Variants in STX11 observed in about 807,000 individuals in gnomAD.
The protein encoded by STX11 is syntaxin 11.
In STX11, 21 loss-of-function variants were observed where a neutral mutation model predicts 19.9. That is an observed-to-expected ratio of 1.06 (90% CI 0.75 to 1.52). The LOEUF (loss-of-function observed/expected upper bound fraction) is 1.52. Among genes scored for constraint, STX11 ranks in the 40% most tolerant of loss-of-function variants. STX11 has a pLI of 0.00. For synonymous variants in STX11, 193 were observed against 174.4 expected (o/e 1.11, Z -0.84); for missense variants, 438 against 405.9 (o/e 1.08, Z -0.68).
rs545981023 is a variant in STX11, at chr6:144,190,910, T to C, written c.*3419T>C. Among the ~76,000 whole-genome samples the C allele has an allele frequency of 6.6e-6, 1 of 152,252 alleles. No homozygotes were observed. Among genetic ancestry groups the C allele is most frequent in the African/African-American group, 2.4e-5 (1 of 41,550 alleles). On this transcript the variant is annotated 3_prime_UTR_variant, in exon 2 of 2. Transcript: ENST00000367568. Reference sequence around the variant, plus strand: ...ACCAGGCAGTGGGTGAAATGCTGGCTTTTTCCTTAAGAAATTGTGTTCTAG... The same window carrying C: ...ACCAGGCAGTGGGTGAAATGCTGGCCTTTTCCTTAAGAAATTGTGTTCTAG...
At chr6:144,171,557 A>T (rs930370078) in intron 1 of STX11, among the ~76,000 whole-genome samples, 3 of 152,164 alleles carry the variant, frequency 2.0e-5, no homozygotes, top group African/African-American at 4.8e-5. Context: ...AAAACCTCTT[A>T]TCAGACTGAA....
At chr6:144,143,784 A>G in the STX11 span, among the ~76,000 whole-genome samples, 27 of 152,194 alleles carry the variant, frequency 1.8e-4, no homozygotes, top group Non-Finnish European at 3.1e-4. Flanking sequence ...CTGATACTAT[A>G]CAAATCTAGA....
Position 144,188,945 on chromosome 6 carries a change from C to G in STX11, c.*1454C>G, listed in dbSNP as rs1397986507. On this transcript the variant is annotated 3_prime_UTR_variant, in exon 2 of 2. Coordinates refer to ENST00000367568, the MANE Select transcript of STX11 (RefSeq NM_003764.4). ...GTTTCACCGTGTTAGCCAGGATGGT[C>G]TTGATCTCCTGACCTCGTGATCCGC... Among the ~76,000 whole-genome samples the G allele has an allele frequency of 6.6e-6, 1 of 152,076 alleles. No homozygotes were observed. The highest frequency in any genetic ancestry group is 1.9e-4 in the East Asian group (1 of 5,186).
upstream of STX11, chr6:144,150,510 G>C: frequency 1.0e-6 from 1 of 985,360 alleles, no homozygotes; most frequent in Non-Finnish European, 1.2e-6. Flanking sequence ...CTGAGCCGGC[G>C]GCGCCCAGAT....
chr6:144,179,566 G>T (rs990683792), intron 1 of STX11, among the ~76,000 whole-genome samples: 2 of 152,220 alleles, frequency 1.3e-5, no homozygotes, highest in African/African-American at 4.8e-5. Context: ...GGGCAGGAGG[G>T]ACTGGATGAG....
chr6:144,184,594 T>C lies in STX11; in HGVS notation c.-5-2029T>C, dbSNP rs1801982775. ...CTTTTGCTAAAGATTATTTAGTGCATTGGTTAAGTGGTGCTATTCTAACGC... is the reference window on the plus strand; with the variant it reads ...CTTTTGCTAAAGATTATTTAGTGCACTGGTTAAGTGGTGCTATTCTAACGC... On this transcript the variant is annotated intron_variant, in intron 1 of 1. Coordinates refer to ENST00000367568, the MANE Select transcript of STX11 (RefSeq NM_003764.4). The surrounding 1 kb of genome is among the most constrained non-coding windows in gnomAD (Gnocchi z 6.5). Among the ~76,000 whole-genome samples, 1 of 152,208 alleles carries C rather than the reference T, an allele frequency of 6.6e-6. No individual in the cohort carries two copies. Among genetic ancestry groups the C allele is most frequent in the Non-Finnish European group, 1.5e-5 (1 of 68,022 alleles).
chr6:144,159,697 GGAA>G lies in STX11; in HGVS notation c.-6+8998_-6+9000del, dbSNP rs1801284559. Among the ~76,000 whole-genome samples, 1 of 152,160 alleles carries G rather than the reference GGAA, an allele frequency of 6.6e-6. No homozygotes were observed. The highest frequency in any genetic ancestry group is 2.1e-4 in the South Asian group (1 of 4,836). On this transcript the variant is annotated intron_variant, in intron 1 of 1. Transcript: ENST00000367568. The surrounding 1 kb of genome is among the most constrained non-coding windows in gnomAD (Gnocchi z 4.3). The stretch of plus-strand genomic sequence containing the variant: ...AATATTTTAATATGTAATATACAGT[GGAA>G]GAAAATAAATGTAAAGCTCTGAAAA...
Position 144,159,513 on chromosome 6 carries a change from ACT to A in STX11, c.-6+8813_-6+8814del, listed in dbSNP as rs542448381. ...TTTTGGTTGAGCTAGTTCAAAATTG[ACT>A]CTGTGTGTGTGTGTGTGTGTGTCCG... On this transcript the variant is annotated intron_variant, in intron 1 of 1. Coordinates refer to ENST00000367568, the MANE Select transcript of STX11 (RefSeq NM_003764.4). This position sits in a 1 kb window ranked among gnomAD's most constrained non-coding sequence, Gnocchi z 4.3. 1.8e-4 allele frequency among the ~76,000 whole-genome samples: 8 copies of A among 43,294 alleles called. 1 individual carries two copies. The East Asian group carries it at 7.3e-3, about 40-fold the overall frequency. 28.4% of individuals were successfully genotyped at this position (43,294 alleles called of 152,430 possible). A position where few individuals can be genotyped will look rare whatever the true frequency, so the allele number is the denominator to read the frequency against.
rs554143154 is a variant in STX11 at position 144,152,968 on chromosome 6, C to T, written c.-6+2265C>T. Among the ~76,000 whole-genome samples the T allele has an allele frequency of 2.6e-5, 4 of 152,300 alleles. No homozygotes were observed. Among genetic ancestry groups the T allele is most frequent in the Admixed American group, 6.5e-5 (1 of 15,298 alleles). ...ATACATTGGTAACACTATATTGAAG[C>T]GAGTTTATGATCATTGTTTTTGTAG... is the stretch of plus-strand genomic sequence containing the variant. On this transcript the variant is annotated intron_variant, in intron 1 of 1. Coordinates refer to ENST00000367568, the MANE Select transcript of STX11 (RefSeq NM_003764.4). This position sits in a 1 kb window ranked among gnomAD's most constrained non-coding sequence, Gnocchi z 4.9.
intron 1 of STX11, among the ~76,000 whole-genome samples, chr6:144,164,154 T>A (rs1190869016): frequency 6.6e-6 from 1 of 152,212 alleles, no homozygotes; most frequent in Non-Finnish European, 1.5e-5. Context: ...TGCAAACATG[T>A]GTCCTGAAAG....
chr6:144,144,513 T>C, the STX11 span, among the ~76,000 whole-genome samples: 1 of 152,192 alleles, frequency 6.6e-6, no homozygotes, highest in Non-Finnish European at 1.5e-5. Context: ...TACCAGAATC[T>C]AGAAAGTGCT....
upstream of STX11, among the ~76,000 whole-genome samples, chr6:144,147,205 T>A (rs7745240): frequency 0.031 from 4,667 of 151,938 alleles, 209 homozygotes; most frequent in East Asian, 0.15. This position sits in a 1 kb window ranked among gnomAD's most constrained non-coding sequence, Gnocchi z 4.2. Flanking sequence ...GGTTCCTTCC[T>A]GTTTCTACTC....
At chr6:144,185,385 G>A (rs944742275) in intron 1 of STX11, among the ~76,000 whole-genome samples, 1 of 152,182 alleles carries the variant, frequency 6.6e-6, no homozygotes, top group Non-Finnish European at 1.5e-5. Context: ...TGCAAATTGT[G>A]TAGTAGAAAA....
At chr6:144,171,973 G>A (rs751752037) in intron 1 of STX11, among the ~76,000 whole-genome samples, 2 of 152,128 alleles carry the variant, frequency 1.3e-5, no homozygotes, top group African/African-American at 2.4e-5. Context: ...TTTGGTTCAC[G>A]TTGCTTATGT....
chr6:144,163,471 A>ATTT (rs1010252957), intron 1 of STX11, among the ~76,000 whole-genome samples: 1 of 150,374 alleles, frequency 6.7e-6, no homozygotes, highest in Non-Finnish European at 1.5e-5. Flanking sequence ...TATTTTTAAA[A>ATTT]TTTTTTTTTT....
intron 1 of STX11, among the ~76,000 whole-genome samples, chr6:144,178,566 A>G (rs1336082376): frequency 6.6e-6 from 1 of 152,196 alleles, no homozygotes; most frequent in Non-Finnish European, 1.5e-5. Flanking sequence ...GAAACTGAAA[A>G]GCGAATTATG....
chr6:144,179,096 C>T (rs1452552857), intron 1 of STX11, among the ~76,000 whole-genome samples: 2 of 151,978 alleles, frequency 1.3e-5, no homozygotes, highest in African/African-American at 4.8e-5. Flanking sequence ...ATGGTGAATG[C>T]AAGGAGGGGC....
At chr6:144,161,088 G>A (rs1801324179) in intron 1 of STX11, among the ~76,000 whole-genome samples, 1 of 152,214 alleles carries the variant, frequency 6.6e-6, no homozygotes, top group Non-Finnish European at 1.5e-5. Context: ...CATTGCTGAA[G>A]TGTAGGTAAT....
At position 144,151,476 on chromosome 6, in the gene STX11, G is replaced by T; in HGVS notation, c.-6+773G>T. On this transcript the variant is annotated intron_variant, in intron 1 of 1. Transcript: ENST00000367568. This position sits in a 1 kb window ranked among gnomAD's most constrained non-coding sequence, Gnocchi z 4.6. ...TTGTTAATGAACTTTTGAAAAGCGA[G>T]GCTTGCTTTAAAATGAGACTCTAGA... 1.0e-6 allele frequency: 1 copy of T among 974,880 alleles called. No individual in the cohort carries two copies. The allele number at this position is 974,880 out of a possible 1,614,324, so 60.4% of individuals were successfully genotyped here. A position where few individuals can be genotyped will look rare whatever the true frequency, so the allele number is the denominator to read the frequency against.
Sources: allele counts gnomAD v4.1 joint callset (sites outside exome capture counted in the v4.1 genomes callset), GRCh38; gene constraint gnomAD v4.1.1; non-coding constraint Gnocchi (gnomAD v3.1); transcripts MANE v1.5; gene names NCBI Gene and HGNC (gene_info 2026-07-23, HGNC 2026-07-21).